CACNA1E: variants seen among roughly 807,000 people sequenced by gnomAD.
The protein encoded by CACNA1E is voltage-dependent R-type calcium channel subunit alpha-1E.
A neutral mutation model predicts 259.2 loss-of-function variants in CACNA1E; 40 were observed. The ratio of observed to expected loss-of-function variants is 0.15; its 90% CI spans 0.12 to 0.20. The LOEUF (loss-of-function observed/expected upper bound fraction) is 0.20, where lower values mean the gene tolerates loss of function less well. Among genes scored for constraint, CACNA1E ranks in the 10% least tolerant of loss-of-function variants. The pLI is 1.00. For missense variants in CACNA1E, 1,874 were observed against 3,040.1 expected (o/e 0.62, Z 9.02); for synonymous variants, 1,104 against 1,138.5 (o/e 0.97, Z 0.61).
intron 40 of CACNA1E, 94 bp downstream of exon 40, chr1:181,783,878 C>A: frequency 1.2e-6 from 1 of 803,772 alleles, no homozygotes; most frequent in Non-Finnish European, 2.2e-6. Flanking sequence ...TGTCATCTAT[C>A]CAGTTAAGGA....
intron 1 of CACNA1E, among the ~76,000 whole-genome samples, chr1:181,376,791 A>T (rs913643781): frequency 2.0e-5 from 3 of 152,074 alleles, no homozygotes; most frequent in Non-Finnish European, 4.4e-5. Context: ...TCTTTGTCAC[A>T]TTCGACTCAG....
At chr1:181,684,605 T>C (rs1650323338) in intron 7 of CACNA1E, among the ~76,000 whole-genome samples, 1 of 152,172 alleles carries the variant, frequency 6.6e-6, no homozygotes, top group Admixed American at 6.5e-5. Context: ...GTTTTCATAG[T>C]TTTAAGTTTT....
In CACNA1E at chr1:181,733,551, G is replaced by A; in HGVS notation, c.3063G>A (p.Leu1021=). Residue 1021 remains leucine (L), a synonymous_variant, in exon 21 of 48, where the codon CTG becomes CTA. Coordinates refer to ENST00000367573, the MANE Select transcript of CACNA1E (RefSeq NM_001205293.3). ...TGGAAGTGGGGAAGCACGTGGTGCT[G>A]ACGGAGCAGGAGCCAGAAGGCAGCA... ...PELEVGKHVV[L]TEQEPEGSSE... is the part of the protein sequence containing the mutation. 1.2e-6 allele frequency: 2 copies of A among 1,612,790 alleles called. No individual in the cohort carries two copies. Among genetic ancestry groups the A allele is most frequent in the Non-Finnish European group, 8.5e-7 (1 of 1,179,350 alleles).
intron 37 of CACNA1E, among the ~76,000 whole-genome samples, chr1:181,774,473 C>T (rs1023066535): frequency 6.6e-6 from 1 of 152,214 alleles, no homozygotes; most frequent in African/African-American, 2.4e-5. Context: ...GATTTCCCTT[C>T]CACATCAGTG....
At chr1:181,522,197 C>T (rs1469026827) in intron 3 of CACNA1E, among the ~76,000 whole-genome samples, 1 of 152,132 alleles carries the variant, frequency 6.6e-6, no homozygotes, top group African/African-American at 2.4e-5. Context: ...AACATCAGCC[C>T]TCAACTATAA....
At chr1:181,652,656 G>C (rs78860456) in intron 7 of CACNA1E, among the ~76,000 whole-genome samples, 1 of 152,072 alleles carries the variant, frequency 6.6e-6, no homozygotes, top group Admixed American at 6.6e-5. Context: ...GCTGGGGTAG[G>C]CGTGGTGCTA....
At chr1:181,569,420 A>G (rs1437596836) in intron 3 of CACNA1E, among the ~76,000 whole-genome samples, 1 of 152,122 alleles carries the variant, frequency 6.6e-6, no homozygotes, top group Non-Finnish European at 1.5e-5. Flanking sequence ...TCCCTCAGAT[A>G]TATTTCCTTG....
chr1:181,693,066 G>A, intron 7 of CACNA1E, among the ~76,000 whole-genome samples: 1 of 130,596 alleles, frequency 7.7e-6, no homozygotes, highest in Non-Finnish European at 1.6e-5. Flanking sequence ...AATTATTGGA[G>A]AAATACGAAT....
At chr1:181,351,137 T>C (rs1249554524) in intron 1 of CACNA1E, among the ~76,000 whole-genome samples, 2 of 152,106 alleles carry the variant, frequency 1.3e-5, no homozygotes, top group African/African-American at 4.8e-5. Flanking sequence ...AGGAGCAGGA[T>C]TGCAGATAGA....
At chr1:181,651,250 A>T in intron 6 of CACNA1E, 88 bp from the exon 7 acceptor site, 2 of 860,068 alleles carry the variant, frequency 2.3e-6, no homozygotes, top group South Asian at 3.1e-5. Context: ...TGTGGTTTTT[A>T]CATCACCCTC....
intron 2 of CACNA1E, among the ~76,000 whole-genome samples, chr1:181,416,924 C>A (rs942629018): frequency 8.5e-5 from 13 of 152,144 alleles, no homozygotes; most frequent in African/African-American, 3.1e-4. Flanking sequence ...TTAGTGATTT[C>A]AGTATCCATG....
At chr1:181,707,283 C>T (rs758199254) in intron 7 of CACNA1E, among the ~76,000 whole-genome samples, 6 of 152,188 alleles carry the variant, frequency 3.9e-5, no homozygotes, top group Non-Finnish European at 8.8e-5. Context: ...GGTGCACATT[C>T]GTTGCTTTAC....
intron 1 of CACNA1E, among the ~76,000 whole-genome samples, chr1:181,380,907 C>A (rs1038342867): frequency 1.3e-5 from 2 of 152,214 alleles, no homozygotes; most frequent in African/African-American, 4.8e-5. Flanking sequence ...GTGGCCCATG[C>A]CTGTCCCAGC....
chr1:181,319,642 TG>T (rs1284483023), intron 1 of CACNA1E, among the ~76,000 whole-genome samples: 2 of 152,252 alleles, frequency 1.3e-5, no homozygotes, highest in Non-Finnish European at 2.9e-5. Flanking sequence ...ATTGACTGAT[TG>T]TCCAAGCTGG....
At chr1:181,660,730 C>G (rs1446095603) in intron 7 of CACNA1E, among the ~76,000 whole-genome samples, 2 of 152,140 alleles carry the variant, frequency 1.3e-5, no homozygotes, top group Non-Finnish European at 2.9e-5. Flanking sequence ...GATGAGATCT[C>G]TGAGGGGAGT....
chr1:181,473,616 G>A (rs567212605), intron 2 of CACNA1E, among the ~76,000 whole-genome samples: 1 of 152,336 alleles, frequency 6.6e-6, no homozygotes, highest in Non-Finnish European at 1.5e-5. Flanking sequence ...TGAGGTGCAA[G>A]CCTCCTGGTG....
At chr1:181,619,817 C>T (rs1655566145) in intron 6 of CACNA1E, among the ~76,000 whole-genome samples, 1 of 151,986 alleles carries the variant, frequency 6.6e-6, no homozygotes, top group Non-Finnish European at 1.5e-5. Context: ...TTGGCTTGAG[C>T]AGCTGGTAGG....
chr1:181,511,730 G>A (rs539349671), intron 3 of CACNA1E, among the ~76,000 whole-genome samples: 1 of 152,298 alleles, frequency 6.6e-6, no homozygotes, highest in South Asian at 2.1e-4. Flanking sequence ...GTTAGGCAGA[G>A]GCCATGGGAC....
At chr1:181,750,004 G>A (rs1657449326) in intron 25 of CACNA1E, among the ~76,000 whole-genome samples, 1 of 152,248 alleles carries the variant, frequency 6.6e-6, no homozygotes, top group Non-Finnish European at 1.5e-5. Context: ...GCATAACTGT[G>A]CCAGTGTGTG....
Sources: gnomAD v4.1 joint callset for allele counts (sites outside exome capture counted in the v4.1 genomes callset) on GRCh38, gnomAD v4.1.1 for gene constraint, MANE v1.5 for transcripts, NCBI Gene and HGNC (gene_info 2026-07-23, HGNC 2026-07-21) for gene names.